The following GABBR2 variants were observed in gnomAD, a reference collection of about 807,000 sequenced individuals.
GABBR2 encodes the protein G-protein coupled receptor 51.
Under a neutral mutation model 105.6 loss-of-function variants are expected in GABBR2, and 23 were observed. The observed-to-expected ratio is 0.22, with a 90% CI of 0.16 to 0.31. The LOEUF is 0.31. Ranked by LOEUF, GABBR2 falls within the 10% of genes least tolerant of loss-of-function variation. The probability of loss-of-function intolerance (pLI) is 1.00; values close to 1 mark genes in which losing one functional copy is unlikely to be tolerated. For synonymous variants in GABBR2, 478 were observed against 499.7 expected (o/e 0.96, Z 0.58); for missense variants, 734 against 1,245.5 (o/e 0.59, Z 6.18).
At chr9:98,450,473 G>A (rs559073673) in intron 7 of GABBR2, among the ~76,000 whole-genome samples, 95 of 152,268 alleles carry the variant, frequency 6.2e-4, no homozygotes, top group African/African-American at 2.1e-3. Flanking sequence ...AACATGGAGT[G>A]CAGGACTGTT....
intron 1 of GABBR2, among the ~76,000 whole-genome samples, chr9:98,697,840 C>G (rs1362785128): frequency 6.6e-6 from 1 of 152,212 alleles, no homozygotes; most frequent in African/African-American, 2.4e-5. Context: ...GCACTCTCAG[C>G]TGGACTGGGC....
At chr9:98,307,647 G>A (rs1007319420) in intron 14 of GABBR2, among the ~76,000 whole-genome samples, 5 of 152,156 alleles carry the variant, frequency 3.3e-5, no homozygotes, top group African/African-American at 1.2e-4. Context: ...TGTTGGCTGG[G>A]TGACCTGGGC....
At chr9:98,607,959 C>T in intron 1 of GABBR2, 1 of 1,320,904 alleles carries the variant, frequency 7.6e-7, no homozygotes, top group Non-Finnish European at 1.1e-6. Context: ...AGCTGAGCTC[C>T]AGCGGCACCA....
intron 2 of GABBR2, among the ~76,000 whole-genome samples, chr9:98,569,662 C>T (rs997677458): frequency 6.6e-6 from 1 of 152,202 alleles, no homozygotes; most frequent in African/African-American, 2.4e-5. Flanking sequence ...GGGTGAGCCA[C>T]GGAGCCCAGT....
At chr9:98,598,903 T>C in intron 1 of GABBR2, among the ~76,000 whole-genome samples, 1 of 138,698 alleles carries the variant, frequency 7.2e-6, no homozygotes, top group African/African-American at 2.5e-5. Context: ...TCTATATGGT[T>C]TTCACTCTGT....
At chr9:98,446,672 G>C (rs951495192) in intron 7 of GABBR2, among the ~76,000 whole-genome samples, 1 of 152,156 alleles carries the variant, frequency 6.6e-6, no homozygotes, top group African/African-American at 2.4e-5. Flanking sequence ...ATGAGGTACA[G>C]AGAAAGTTCT....
At chr9:98,492,509 G>A (rs1432453909) in intron 4 of GABBR2, among the ~76,000 whole-genome samples, 1 of 151,888 alleles carries the variant, frequency 6.6e-6, no homozygotes, top group Admixed American at 6.6e-5. Context: ...AAATATTGAT[G>A]TTATTATTAG....
intron 6 of GABBR2, among the ~76,000 whole-genome samples, chr9:98,463,817 G>T (rs1350236762): frequency 6.6e-6 from 1 of 152,152 alleles, no homozygotes; most frequent in Non-Finnish European, 1.5e-5. Flanking sequence ...TGTATTTTTG[G>T]TGGAGACGGG....
intron 9 of GABBR2, among the ~76,000 whole-genome samples, chr9:98,391,589 C>T (rs1280833614): frequency 1.3e-5 from 2 of 152,192 alleles, no homozygotes; most frequent in South Asian, 2.1e-4. Context: ...AGCTGAGTCT[C>T]GAAGGATGAG....
intron 3 of GABBR2, among the ~76,000 whole-genome samples, chr9:98,502,077 G>A (rs886800452): frequency 1.3e-5 from 2 of 152,074 alleles, no homozygotes; most frequent in African/African-American, 2.4e-5. Flanking sequence ...CACAACCTCC[G>A]TCCACACACT....
At chr9:98,656,817 A>G (rs1228602673) in intron 1 of GABBR2, among the ~76,000 whole-genome samples, 1 of 152,170 alleles carries the variant, frequency 6.6e-6, no homozygotes, top group African/African-American at 2.4e-5. Flanking sequence ...GCACTGTGAC[A>G]TGATTATGGA....
rs139506808 is a variant in GABBR2, at chr9:98,662,814, G to A, written c.321+45603C>T. On this transcript the variant is annotated intron_variant, in intron 1 of 18. Coordinates refer to ENST00000259455, the MANE Select transcript of GABBR2 (RefSeq NM_005458.8). ...TCATACGTGCCCACCCCAGGCACGT[G>A]TATCCCCCCATCTCTTCCTGACCAC... Among the ~76,000 whole-genome samples the A allele has an allele frequency of 7.4e-3, 1,126 of 152,248 alleles. 16 individuals are homozygous for A. Among genetic ancestry groups the A allele is most frequent in the African/African-American group, 0.026 (1,068 of 41,542 alleles).
chr9:98,492,904 C>T (rs186591960), intron 4 of GABBR2, among the ~76,000 whole-genome samples: 2 of 152,280 alleles, frequency 1.3e-5, no homozygotes, highest in Non-Finnish European at 2.9e-5. Flanking sequence ...TCTCGACCGT[C>T]AAGTTATTCT....
intron 3 of GABBR2, among the ~76,000 whole-genome samples, chr9:98,510,112 T>C (rs1233804376): frequency 2.0e-5 from 3 of 152,230 alleles, no homozygotes. Context: ...TGGGGACCAA[T>C]ATTCAACATT....
chr9:98,366,247 T>C (rs1162231484), intron 12 of GABBR2, among the ~76,000 whole-genome samples: 1 of 152,144 alleles, frequency 6.6e-6, no homozygotes, highest in Non-Finnish European at 1.5e-5. Context: ...GACTTCTGGG[T>C]TGTTTAGAGC....
At chr9:98,630,176 C>T (rs1017327429) in intron 1 of GABBR2, among the ~76,000 whole-genome samples, 2 of 152,118 alleles carry the variant, frequency 1.3e-5, no homozygotes, top group Non-Finnish European at 2.9e-5. Flanking sequence ...TACCCTGGAA[C>T]AACAGACACA....
intron 9 of GABBR2, among the ~76,000 whole-genome samples, chr9:98,389,807 C>T (rs145686780): frequency 1.1e-3 from 167 of 152,278 alleles, no homozygotes; most frequent in African/African-American, 3.7e-3. Context: ...CAGCTTCCTG[C>T]GAATCCCTCT....
intron 10 of GABBR2, 87 bp from the exon 11 acceptor site, chr9:98,385,859 T>C (rs1339111148): frequency 1.9e-6 from 2 of 1,066,432 alleles, no homozygotes; most frequent in Non-Finnish European, 2.9e-6. Context: ...CTGCTAGATA[T>C]ATATTGTTGC....
intron 1 of GABBR2, among the ~76,000 whole-genome samples, chr9:98,641,390 G>T (rs1829960540): frequency 6.6e-6 from 1 of 151,200 alleles, no homozygotes; most frequent in Non-Finnish European, 1.5e-5. Flanking sequence ...CGCCCACCTC[G>T]GCCTCCCAAA....
Sources: gnomAD v4.1 joint callset for allele counts (sites outside exome capture counted in the v4.1 genomes callset) on GRCh38, gnomAD v4.1.1 for gene constraint, MANE v1.5 for transcripts, NCBI Gene and HGNC (gene_info 2026-07-23, HGNC 2026-07-21) for gene names.